The following TTLL5 variants were observed in gnomAD, a reference collection of about 807,000 sequenced individuals.
TTLL5 encodes the protein tubulin tyrosine ligase like 5.
In TTLL5, 132 loss-of-function variants were observed where a neutral mutation model predicts 168.4. The ratio of observed to expected loss-of-function variants is 0.78; its 90% CI spans 0.68 to 0.91. The LOEUF (loss-of-function observed/expected upper bound fraction) is 0.91, where lower values mean the gene tolerates loss of function less well. TTLL5 is among the 40% of genes least tolerant of loss of function. TTLL5 has a pLI of 0.00. For missense variants in TTLL5, 1,545 were observed against 1,581.5 expected, an observed-to-expected ratio of 0.98 and a Z score of 0.39; for synonymous variants, 546 against 558.6, an observed-to-expected ratio of 0.98 and a Z score of 0.32.
At chr14:75,833,910 T>A (rs2139817390) in intron 28 of TTLL5, among the ~76,000 whole-genome samples, 1 of 152,366 alleles carries the variant, frequency 6.6e-6, no homozygotes, top group Admixed American at 6.5e-5. Context: ...TGTTTGAGTT[T>A]CCTTTCTTTA....
At chr14:75,763,261 G>A (rs1443445176) in intron 18 of TTLL5, among the ~76,000 whole-genome samples, 7 of 151,152 alleles carry the variant, frequency 4.6e-5, no homozygotes, top group Admixed American at 4.0e-4. Flanking sequence ...CTCTCTGTGT[G>A]TGTGTGTGTG....
chr14:75,950,630 T>C (rs752117854), intron 31 of TTLL5, among the ~76,000 whole-genome samples: 2 of 152,196 alleles, frequency 1.3e-5, no homozygotes, highest in African/African-American at 2.4e-5. Flanking sequence ...AAGTGTATTA[T>C]ACTGTTTTAT....
chr14:75,894,821 G>A (rs1185187024), intron 30 of TTLL5, among the ~76,000 whole-genome samples: 1 of 152,118 alleles, frequency 6.6e-6, no homozygotes, highest in Admixed American at 6.5e-5. Flanking sequence ...AACTGGTATA[G>A]CAATATTAAT....
At chr14:75,873,073 ACT>A (rs1491343876) in intron 29 of TTLL5, among the ~76,000 whole-genome samples, 47 of 110,438 alleles carry the variant, frequency 4.3e-4, no homozygotes, top group African/African-American at 1.5e-3. Flanking sequence ...GATCTCCAGA[ACT>A]TTTTTTTTTT....
At chr14:75,913,034 T>C (rs1159776487) in intron 31 of TTLL5, among the ~76,000 whole-genome samples, 1 of 152,224 alleles carries the variant, frequency 6.6e-6, no homozygotes, top group Admixed American at 6.5e-5. Flanking sequence ...CTTCTCTCAA[T>C]TGATTGCTTG....
intron 29 of TTLL5, among the ~76,000 whole-genome samples, chr14:75,879,678 C>A (rs2031695875): frequency 6.6e-6 from 1 of 152,062 alleles, no homozygotes; most frequent in Non-Finnish European, 1.5e-5. Context: ...AAAAGATCAC[C>A]CACTTTGTAA....
At chr14:75,690,765 A>T (rs1172410774) in intron 6 of TTLL5, among the ~76,000 whole-genome samples, 1 of 152,090 alleles carries the variant, frequency 6.6e-6, no homozygotes, top group South Asian at 2.1e-4. Context: ...GAATACAGGC[A>T]TGCACCATTA....
intron 5 of TTLL5, chr14:75,689,742 A>G (rs968017964): frequency 1.1e-5 from 2 of 184,664 alleles, no homozygotes; most frequent in Admixed American, 6.4e-5. Context: ...AAGGATACAC[A>G]CTGTCTGATT....
rs189646439 is a variant in TTLL5 at position 75,881,645 on chromosome 14, A to G, written c.3523-1040A>G. 5.3e-5 allele frequency among the ~76,000 whole-genome samples: 8 copies of G among 152,328 alleles called. No individual in the cohort carries two copies. In the East Asian group the frequency reaches 9.6e-4, roughly 18 times the overall value. The stretch of plus-strand genomic sequence containing the variant: ...TCATATTATTTCATCCTGCCTCACC[A>G]TGAGTCCTTTACATGTTGTAGGTAC... On this transcript the variant is annotated intron_variant, in intron 29 of 31. Coordinates refer to ENST00000298832, the MANE Select transcript of TTLL5 (RefSeq NM_015072.5).
chr14:75,738,213 T>G (rs912021173), intron 15 of TTLL5, among the ~76,000 whole-genome samples: 1 of 152,256 alleles, frequency 6.6e-6, no homozygotes, highest in Non-Finnish European at 1.5e-5. Flanking sequence ...ACCATTGCTT[T>G]CTTCTGCACA....
chr14:75,718,557 A>C (rs1449959686), intron 10 of TTLL5, among the ~76,000 whole-genome samples: 3 of 152,202 alleles, frequency 2.0e-5, no homozygotes, highest in Non-Finnish European at 4.4e-5. Context: ...CGAAGTGTTA[A>C]TTTAGCTTAA....
chr14:75,814,523 G>A (rs1442566700), intron 27 of TTLL5: 1 of 152,148 alleles, frequency 6.6e-6, no homozygotes, highest in Admixed American at 6.5e-5. Flanking sequence ...GGTTTATTAA[G>A]GTCTCATCCG....
At chr14:75,762,896 CAGTG>C (rs1213499777) in intron 18 of TTLL5, among the ~76,000 whole-genome samples, 4 of 152,084 alleles carry the variant, frequency 2.6e-5, no homozygotes, top group African/African-American at 9.7e-5. Flanking sequence ...ATATAATGAA[CAGTG>C]GTTCGTGAAC....
At chr14:75,865,967 C>G (rs1192549990) in intron 29 of TTLL5, among the ~76,000 whole-genome samples, 1 of 152,138 alleles carries the variant, frequency 6.6e-6, no homozygotes, top group Non-Finnish European at 1.5e-5. Flanking sequence ...CTCCCCAACA[C>G]CCCGAACCCG....
chr14:75,776,925 T>G, intron 23 of TTLL5, 75 bp downstream of exon 23: 1 of 1,189,882 alleles, frequency 8.4e-7, no homozygotes, highest in Non-Finnish European at 1.2e-6. Flanking sequence ...CCAGCATTCC[T>G]TTGTTTCTGA....
At chr14:75,757,135 G>A (rs964421575) in intron 18 of TTLL5, among the ~76,000 whole-genome samples, 1 of 151,940 alleles carries the variant, frequency 6.6e-6, no homozygotes, top group Non-Finnish European at 1.5e-5. Context: ...ACGCCACCAC[G>A]CCTGGCTGAT....
intron 30 of TTLL5, among the ~76,000 whole-genome samples, chr14:75,887,509 C>T (rs950456562): frequency 1.3e-5 from 2 of 152,146 alleles, no homozygotes; most frequent in African/African-American, 4.8e-5. Context: ...ACAGGCTTCT[C>T]TACATTATGC....
At chr14:75,768,363 A>G (rs1187304387) in intron 20 of TTLL5, among the ~76,000 whole-genome samples, 3 of 152,212 alleles carry the variant, frequency 2.0e-5, no homozygotes, top group Non-Finnish European at 2.9e-5. Flanking sequence ...CCTAGGGCCA[A>G]CTGAGTAGGT....
chr14:75,757,134 C>A (rs374440552), intron 18 of TTLL5, among the ~76,000 whole-genome samples: 4 of 152,182 alleles, frequency 2.6e-5, no homozygotes, highest in Middle Eastern at 3.4e-3. Context: ...CACGCCACCA[C>A]GCCTGGCTGA....
Sources: allele counts gnomAD v4.1 joint callset (sites outside exome capture counted in the v4.1 genomes callset), GRCh38; gene constraint gnomAD v4.1.1; transcripts MANE v1.5; gene names NCBI Gene and HGNC (gene_info 2026-07-23, HGNC 2026-07-21).